ERICH6B: variants seen among roughly 807,000 people sequenced by gnomAD.
The protein encoded by ERICH6B is glutamate rich 6B, also known as glutamate-rich protein 6B.
Under a neutral mutation model 80.0 loss-of-function variants are expected in ERICH6B, and 69 were observed. That is an observed-to-expected ratio of 0.86 (90% CI 0.71 to 1.05). The LOEUF (loss-of-function observed/expected upper bound fraction) is 1.05. Among genes scored for constraint, ERICH6B ranks in the 50% least tolerant of loss-of-function variants. ERICH6B has a pLI of 0.00. For missense variants in ERICH6B, 754 were observed against 796.1 expected (o/e 0.95, Z 0.64); for synonymous variants, 283 against 291.9 (o/e 0.97, Z 0.31).
intron 8 of ERICH6B, among the ~76,000 whole-genome samples, chr13:45,570,186 T>C (rs541396320): frequency 1.3e-5 from 2 of 152,306 alleles, no homozygotes; most frequent in Non-Finnish European, 2.9e-5. Context: ...GTAGGTGTAT[T>C]GGGGACCTCA....
intron 8 of ERICH6B, among the ~76,000 whole-genome samples, chr13:45,571,357 C>A (rs538010766): frequency 1.3e-5 from 2 of 152,232 alleles, no homozygotes; most frequent in East Asian, 3.9e-4. Context: ...GATATGGCAT[C>A]ATTCCCTCCA....
chr13:45,600,830 T>C (rs1041305848), intron 2 of ERICH6B, among the ~76,000 whole-genome samples: 1 of 152,260 alleles, frequency 6.6e-6, no homozygotes, highest in African/African-American at 2.4e-5. Context: ...ATCTTTTTGA[T>C]GTAATGATTT....
At chr13:45,594,017 A>C (rs1566302525) in intron 3 of ERICH6B, among the ~76,000 whole-genome samples, 1 of 152,214 alleles carries the variant, frequency 6.6e-6, no homozygotes, top group South Asian at 2.1e-4. Flanking sequence ...TTCAATTTAC[A>C]TGTACTGAGC....
At position 45,587,091 on chromosome 13, in the gene ERICH6B, C is replaced by T; in HGVS notation, c.828G>A (p.Gln276=). The change falls in exon 5 of 15, where the codon CAG becomes CAA. Residue 276 remains glutamine, a synonymous_variant. Coordinates refer to ENST00000298738, the MANE Select transcript of ERICH6B (RefSeq NM_182542.3). ...LTLYRRSQAS[Q]TDWCYDRTAV... ...CAGTTCTGTCGTAGCACCAGTCTGT[C>T]TGACTGGCCTGGCTCCTCCTGTACA... The T allele has an allele frequency of 6.4e-7, 1 of 1,551,718 alleles. No homozygotes were observed. Among genetic ancestry groups the T allele is most frequent in the South Asian group, 1.2e-5 (1 of 84,044 alleles).
At chr13:45,584,128 A>G (rs1022806519) in intron 5 of ERICH6B, among the ~76,000 whole-genome samples, 2 of 152,262 alleles carry the variant, frequency 1.3e-5, no homozygotes, top group African/African-American at 4.8e-5. Context: ...ATTTGTGGTT[A>G]CTATGTGCCA....
chr13:45,598,414 C>A (rs1876494024), intron 2 of ERICH6B, among the ~76,000 whole-genome samples: 1 of 152,110 alleles, frequency 6.6e-6, no homozygotes, highest in Non-Finnish European at 1.5e-5. Context: ...TTCTGCAGGA[C>A]AGGACAGACT....
intron 5 of ERICH6B, among the ~76,000 whole-genome samples, chr13:45,583,939 G>A (rs867064397): frequency 2.3e-4 from 35 of 152,230 alleles, no homozygotes; most frequent in Middle Eastern, 6.8e-3. Flanking sequence ...ACACCTCTGC[G>A]TATTCTCACC....
chr13:45,604,177 G>T (rs893982281), intron 2 of ERICH6B, among the ~76,000 whole-genome samples: 2 of 152,248 alleles, frequency 1.3e-5, no homozygotes, highest in African/African-American at 4.8e-5. Context: ...GAACTCTGCT[G>T]ACTCTGTGAG....
At chr13:45,559,815 T>C (rs1033788390) in intron 11 of ERICH6B, among the ~76,000 whole-genome samples, 1 of 152,224 alleles carries the variant, frequency 6.6e-6, no homozygotes, top group African/African-American at 2.4e-5. Flanking sequence ...TGGCTTATCA[T>C]ATGGTCTGTC....
intron 11 of ERICH6B, chr13:45,553,020 T>C (rs953862295): frequency 1.3e-5 from 3 of 239,360 alleles, no homozygotes; most frequent in Non-Finnish European, 2.6e-5. Context: ...GTTTTAGTTC[T>C]CTTGTTGTGA....
At chr13:45,599,488 A>G (rs1949812244) in intron 2 of ERICH6B, among the ~76,000 whole-genome samples, 1 of 152,202 alleles carries the variant, frequency 6.6e-6, no homozygotes, top group Non-Finnish European at 1.5e-5. Flanking sequence ...GGCAGTAGCA[A>G]AACAGCGGGC....
At chr13:45,612,307 G>T (rs913053564) in intron 1 of ERICH6B, among the ~76,000 whole-genome samples, 7 of 152,166 alleles carry the variant, frequency 4.6e-5, no homozygotes, top group Non-Finnish European at 1.0e-4. Flanking sequence ...AGGCACTGGG[G>T]CCACAAGGTT....
intron 14 of ERICH6B, among the ~76,000 whole-genome samples, chr13:45,542,030 G>A (rs937337168): frequency 6.6e-6 from 1 of 152,164 alleles, no homozygotes; most frequent in Non-Finnish European, 1.5e-5. Flanking sequence ...CGACCATGGG[G>A]CCCTGCAAGA....
At chr13:45,579,539 A>G (rs1566296703) in intron 7 of ERICH6B, among the ~76,000 whole-genome samples, 1 of 152,116 alleles carries the variant, frequency 6.6e-6, no homozygotes, top group East Asian at 1.9e-4. Context: ...TTACTGCACC[A>G]TTTGTAGGGG....
intron 5 of ERICH6B, among the ~76,000 whole-genome samples, chr13:45,581,059 A>G (rs944655773): frequency 2.0e-4 from 31 of 152,254 alleles, no homozygotes; most frequent in African/African-American, 6.0e-4. Flanking sequence ...TAGACACACA[A>G]TGCGGTGTGC....
rs114229062 is a variant in ERICH6B, at chr13:45,570,631, G to A, written c.1051-2180C>T. Among the ~76,000 whole-genome samples, 1,081 of 152,304 alleles carry A rather than the reference G, an allele frequency of 7.1e-3. 13 individuals are homozygous for A. The highest frequency in any genetic ancestry group is 0.024 in the African/African-American group (1,004 of 41,550). On this transcript the variant is annotated intron_variant, in intron 8 of 14. Coordinates refer to ENST00000298738, the MANE Select transcript of ERICH6B (RefSeq NM_182542.3). ...GTTTACTTAAACAAGTCTTGCAGCC[G>A]CAGGTTCTGTGTGGCATTCACCCCA...
intron 7 of ERICH6B, 78 bp from the exon 8 acceptor site, chr13:45,575,008 A>G: frequency 1.1e-6 from 1 of 932,588 alleles, no homozygotes. Context: ...TAAAAAGAAT[A>G]GAAATAGATT....
intron 3 of ERICH6B, among the ~76,000 whole-genome samples, chr13:45,593,071 G>T (rs1418121135): frequency 1.3e-5 from 2 of 152,210 alleles, no homozygotes; most frequent in East Asian, 3.9e-4. Context: ...AGGCCAGTCA[G>T]ATGCGACCAA....
chr13:45,587,251 G>A lies in ERICH6B; in HGVS notation c.687-19C>T. 1 of 1,550,880 alleles carries A rather than the reference G, an allele frequency of 6.4e-7. No individual in the cohort carries two copies. The highest frequency in any genetic ancestry group is 1.2e-5 in the South Asian group (1 of 83,932). ...TGGACTCCTGTCAGAGGGGAGAACA[G>A]GAAGGTCAACTTCCAGACAGGGGCC... is the stretch of plus-strand genomic sequence containing the variant. On this transcript the variant is annotated intron_variant, in intron 4 of 14. Coordinates refer to ENST00000298738, the MANE Select transcript of ERICH6B (RefSeq NM_182542.3).
Sources: allele counts gnomAD v4.1 joint callset (sites outside exome capture counted in the v4.1 genomes callset), GRCh38; gene constraint gnomAD v4.1.1; transcripts MANE v1.5; gene names NCBI Gene and HGNC (gene_info 2026-07-23, HGNC 2026-07-21).